Variants in IPMK observed in about 807,000 individuals in gnomAD.
IPMK encodes inositol polyphosphate multikinase, also known as inositol 1,3,4,6-tetrakisphosphate 5-kinase.
Under a neutral mutation model 45.8 loss-of-function variants are expected in IPMK, and 17 were observed. The ratio of observed to expected loss-of-function variants is 0.37; its 90% CI spans 0.25 to 0.56. IPMK has a LOEUF of 0.56. Ranked by LOEUF, IPMK falls within the 20% of genes least tolerant of loss-of-function variation. The pLI is 0.79. For missense variants in IPMK, 399 were observed against 498.0 expected (o/e 0.80, Z 1.89); for synonymous variants, 180 against 184.3 (o/e 0.98, Z 0.19).
At chr10:58,245,449 T>C (rs7080845) in intron 1 of IPMK, among the ~76,000 whole-genome samples, 21,725 of 151,694 alleles carry the variant, frequency 0.14, 1,601 homozygotes, top group Middle Eastern at 0.19. Context: ...CCGTCTCTAC[T>C]GAAAGCACAA....
intron 2 of IPMK, among the ~76,000 whole-genome samples, chr10:58,232,450 C>A (rs573348912): frequency 1.3e-5 from 2 of 152,026 alleles, no homozygotes; most frequent in African/African-American, 2.4e-5. Context: ...CCTTAGCAAA[C>A]GTAAAAGAAC....
At chr10:58,230,650 A>G (rs368476241) in intron 2 of IPMK, among the ~76,000 whole-genome samples, 1 of 152,226 alleles carries the variant, frequency 6.6e-6, no homozygotes, top group East Asian at 1.9e-4. Context: ...AAGGTCATCT[A>G]CACCAAAATC....
At position 58,267,855 on chromosome 10, in the gene IPMK, G is replaced by A. The variant is rs2993833; in HGVS notation, c.-244C>T. 0.28 allele frequency: 128,763 copies of A among 459,846 alleles called. 21,713 individuals carry two copies. The highest frequency in any genetic ancestry group is 0.61 in the African/African-American group (29,092 of 47,992). The allele number at this position is 459,846 out of a possible 1,614,324, so 28.5% of individuals were successfully genotyped here. Reference sequence around the variant, plus strand: ...TGTTCCTCTGCCGCCGCAGCCGCCGGCCCCGGCGCTGCCCGGTAGACAGAA... The same window carrying A: ...TGTTCCTCTGCCGCCGCAGCCGCCGACCCCGGCGCTGCCCGGTAGACAGAA... On this transcript the variant is annotated 5_prime_UTR_variant, in exon 1 of 6. Coordinates refer to ENST00000373935, the MANE Select transcript of IPMK (RefSeq NM_152230.5).
intron 3 of IPMK, among the ~76,000 whole-genome samples, chr10:58,216,975 C>CAAAT (rs1201869840): frequency 2.0e-5 from 3 of 152,020 alleles, no homozygotes; most frequent in Non-Finnish European, 4.4e-5. Context: ...CTCAGGCTCT[C>CAAAT]AAATAACTGG....
rs1252123519 is a variant in IPMK at position 58,205,851 on chromosome 10, A to G, written c.547-6530T>C. On this transcript the variant is annotated intron_variant, in intron 4 of 5. Coordinates refer to ENST00000373935, the MANE Select transcript of IPMK (RefSeq NM_152230.5). ...CTTAAATAATTTTTTAAAAAATTAA[A>G]TAACTAAATAAAATGGTAAAGTCAC... 3.3e-5 allele frequency among the ~76,000 whole-genome samples: 5 copies of G among 152,250 alleles called. No individual in the cohort carries two copies. The South Asian group carries it at 8.3e-4, about 25-fold the overall frequency.
chr10:58,219,475 C>G (rs906653395), intron 3 of IPMK, among the ~76,000 whole-genome samples: 2 of 152,186 alleles, frequency 1.3e-5, no homozygotes, highest in African/African-American at 2.4e-5. Context: ...TTAGCAAATT[C>G]TTTCCCTAGA....
At chr10:58,208,792 G>A (rs548578266) in intron 4 of IPMK, among the ~76,000 whole-genome samples, 41 of 152,184 alleles carry the variant, frequency 2.7e-4, no homozygotes, top group Non-Finnish European at 4.4e-4. Context: ...TGATGATTCC[G>A]GCTTCAGGCC....
chr10:58,222,661 T>G (rs925351713), intron 3 of IPMK, among the ~76,000 whole-genome samples: 1 of 152,194 alleles, frequency 6.6e-6, no homozygotes, highest in Non-Finnish European at 1.5e-5. Flanking sequence ...TAATAACCTA[T>G]CACTTATTAA....
chr10:58,207,131 T>C (rs1443896786), intron 4 of IPMK, among the ~76,000 whole-genome samples: 3 of 152,092 alleles, frequency 2.0e-5, no homozygotes, highest in Non-Finnish European at 2.9e-5. Context: ...GCCTCCTGAG[T>C]AGCTAGGACT....
At chr10:58,222,459 CTT>C (rs1399931128) in intron 3 of IPMK, among the ~76,000 whole-genome samples, 5 of 152,130 alleles carry the variant, frequency 3.3e-5, no homozygotes, top group Non-Finnish European at 5.9e-5. Context: ...ATTTAGGACT[CTT>C]ATGAAGTGAG....
intron 1 of IPMK, among the ~76,000 whole-genome samples, chr10:58,266,856 G>C (rs1467065470): frequency 6.6e-6 from 1 of 152,098 alleles, no homozygotes; most frequent in African/African-American, 2.4e-5. Context: ...GCCTCCCAGA[G>C]AAATCAAGGA....
chr10:58,201,432 T>C (rs147269705), intron 4 of IPMK, among the ~76,000 whole-genome samples: 3 of 152,318 alleles, frequency 2.0e-5, no homozygotes, highest in Admixed American at 6.5e-5. Context: ...TCTTTGATGT[T>C]ACTCCTGTGA....
chr10:58,230,653 C>A lies in IPMK; in HGVS notation c.277-3514G>T, dbSNP rs371671668. 7.2e-5 allele frequency among the ~76,000 whole-genome samples: 11 copies of A among 152,280 alleles called. No individual in the cohort carries two copies. In the East Asian group the frequency reaches 1.9e-3, roughly 27 times the overall value. On this transcript the variant is annotated intron_variant, in intron 2 of 5. Coordinates refer to ENST00000373935, the MANE Select transcript of IPMK (RefSeq NM_152230.5). ...AACATCAACAAAAAGGTCATCTACA[C>A]CAAAATCCCATCTGTAGGTCACCAA...
intron 1 of IPMK, among the ~76,000 whole-genome samples, chr10:58,246,731 G>T (rs924734644): frequency 6.6e-6 from 1 of 151,702 alleles, no homozygotes; most frequent in African/African-American, 2.4e-5. Flanking sequence ...TACCATTCAG[G>T]ACACAGGCAT....
At chr10:58,237,607 C>A (rs1588965004) in intron 2 of IPMK, 122 bp downstream of exon 2, 3 of 709,122 alleles carry the variant, frequency 4.2e-6, no homozygotes, top group South Asian at 3.3e-5. Context: ...TTCCATGAAG[C>A]TTTTGTTTCC....
At chr10:58,207,749 T>A (rs1390633454) in intron 4 of IPMK, among the ~76,000 whole-genome samples, 2 of 152,144 alleles carry the variant, frequency 1.3e-5, no homozygotes, top group Non-Finnish European at 2.9e-5. Flanking sequence ...ATTGTGATGA[T>A]CTTTTTGCAA....
At chr10:58,250,674 T>C (rs1312086831) in intron 1 of IPMK, among the ~76,000 whole-genome samples, 1 of 152,182 alleles carries the variant, frequency 6.6e-6, no homozygotes, top group Non-Finnish European at 1.5e-5. Flanking sequence ...GACTAATTGC[T>C]CTGACTAGGA....
In IPMK at chr10:58,195,718, T is replaced by C; in HGVS notation, c.*358A>G. On this transcript the variant is annotated 3_prime_UTR_variant, in exon 6 of 6. Transcript: ENST00000373935. ...AATGTAATATTTTAGATATGGCTCA[T>C]TGTCAAGGCTGGGTGGACAGAGATT... The C allele has an allele frequency of 5.3e-6, 1 of 188,328 alleles. No homozygotes were observed. 11.7% of individuals were successfully genotyped at this position (188,328 alleles called of 1,614,324 possible).
At chr10:58,252,443 T>G (rs1838895375) in intron 1 of IPMK, among the ~76,000 whole-genome samples, 1 of 151,862 alleles carries the variant, frequency 6.6e-6, no homozygotes, top group Non-Finnish European at 1.5e-5. Context: ...ACTGTTTTTT[T>G]TTTTTTTTTT....
Sources: allele counts gnomAD v4.1 joint callset (sites outside exome capture counted in the v4.1 genomes callset), GRCh38; gene constraint gnomAD v4.1.1; transcripts MANE v1.5; gene names NCBI Gene and HGNC (gene_info 2026-07-23, HGNC 2026-07-21).